The following CDH4 variants were observed in gnomAD, a reference collection of about 807,000 sequenced individuals.
The protein encoded by CDH4 is cadherin-4.
CDH4 carries 33 observed loss-of-function variants against 86.0 expected under a neutral mutation model. The observed-to-expected ratio is 0.38, with a 90% CI of 0.29 to 0.51. CDH4 has a LOEUF of 0.51. CDH4 is among the 20% of genes least tolerant of loss of function. The pLI is 0.86. For synonymous variants in CDH4, 555 were observed against 549.4 expected (o/e 1.01, Z -0.14); for missense variants, 1,114 against 1,307.4 (o/e 0.85, Z 2.28).
intron 2 of CDH4, among the ~76,000 whole-genome samples, chr20:61,548,475 G>A (rs577134719): frequency 2.0e-5 from 3 of 151,942 alleles, no homozygotes; most frequent in Admixed American, 6.6e-5. Flanking sequence ...TCAGTTCCCC[G>A]CCCCCCCATT....
intron 3 of CDH4, among the ~76,000 whole-genome samples, chr20:61,750,668 G>T (rs1044781565): frequency 5.9e-5 from 9 of 152,196 alleles, no homozygotes; most frequent in African/African-American, 2.2e-4. Context: ...AGTAAGGCAA[G>T]AAAAAGAAAT....
chr20:61,438,469 G>T (rs983514006), intron 2 of CDH4, among the ~76,000 whole-genome samples: 1 of 152,174 alleles, frequency 6.6e-6, no homozygotes, highest in Non-Finnish European at 1.5e-5. Flanking sequence ...TGCTATAAAA[G>T]AAATATTTTA....
At chr20:61,550,378 T>A (rs1294735420) in intron 2 of CDH4, among the ~76,000 whole-genome samples, 2 of 152,106 alleles carry the variant, frequency 1.3e-5, no homozygotes, top group African/African-American at 4.8e-5. Flanking sequence ...CTTCTCTGGC[T>A]TTCCTAGCTT....
intron 2 of CDH4, among the ~76,000 whole-genome samples, chr20:61,555,538 C>T (rs1324400951): frequency 6.6e-6 from 1 of 152,224 alleles, no homozygotes; most frequent in Non-Finnish European, 1.5e-5. Flanking sequence ...ATGCCCCACA[C>T]CTGGGGGAGA....
At chr20:61,274,631 G>A (rs1429686598) in intron 2 of CDH4, among the ~76,000 whole-genome samples, 8 of 76,098 alleles carry the variant, frequency 1.1e-4, no homozygotes, top group Non-Finnish European at 1.7e-4. Flanking sequence ...GGAGGAGTAC[G>A]GTGTGCAGTT....
At chr20:61,410,578 A>G (rs2085113033) in intron 2 of CDH4, among the ~76,000 whole-genome samples, 1 of 149,718 alleles carries the variant, frequency 6.7e-6, no homozygotes, top group Non-Finnish European at 1.5e-5. Context: ...CCATCCATTC[A>G]TCCATCTGTC....
chr20:61,338,219 T>C (rs1211295393), intron 2 of CDH4, among the ~76,000 whole-genome samples: 2 of 152,198 alleles, frequency 1.3e-5, no homozygotes, highest in African/African-American at 4.8e-5. Context: ...TCTACAGATT[T>C]TGCTTAAAAA....
intron 2 of CDH4, among the ~76,000 whole-genome samples, chr20:61,422,323 C>G (rs1256760156): frequency 6.7e-6 from 1 of 149,812 alleles, no homozygotes; most frequent in Non-Finnish European, 1.5e-5. Flanking sequence ...ACTCGGGGGG[C>G]TGAAGCAGGA....
At chr20:61,573,078 T>A (rs373014718) in intron 2 of CDH4, among the ~76,000 whole-genome samples, 3 of 139,938 alleles carry the variant, frequency 2.1e-5, no homozygotes, top group Admixed American at 7.0e-5. Context: ...GGATAGATGG[T>A]TGGATGGATG....
chr20:61,764,827 C>A (rs997324148), intron 3 of CDH4, among the ~76,000 whole-genome samples: 5 of 152,130 alleles, frequency 3.3e-5, no homozygotes, highest in African/African-American at 1.2e-4. Flanking sequence ...CTCACCAGCC[C>A]CTTCCATCAG....
chr20:61,279,201 G>A (rs1000393180), intron 2 of CDH4, among the ~76,000 whole-genome samples: 10 of 152,178 alleles, frequency 6.6e-5, no homozygotes, highest in Non-Finnish European at 1.5e-5. Context: ...TACGTGGTGG[G>A]CAGAGCCAGG....
intron 15 of CDH4, among the ~76,000 whole-genome samples, chr20:61,934,548 G>T (rs1362879295): frequency 6.6e-6 from 1 of 152,360 alleles, no homozygotes; most frequent in Non-Finnish European, 1.5e-5. Flanking sequence ...GCCTCAGGAG[G>T]AGAATCAGCG....
chr20:61,687,208 C>G (rs891901788), intron 2 of CDH4, among the ~76,000 whole-genome samples: 3 of 152,224 alleles, frequency 2.0e-5, no homozygotes, highest in Non-Finnish European at 1.5e-5. Context: ...CCTCCTCTCC[C>G]GCTCCACAGC....
intron 2 of CDH4, among the ~76,000 whole-genome samples, chr20:61,332,048 G>T (rs1460781665): frequency 6.6e-6 from 1 of 152,220 alleles, no homozygotes; most frequent in African/African-American, 2.4e-5. Context: ...CTCTGGAAAG[G>T]TATCTCTGAG....
intron 2 of CDH4, among the ~76,000 whole-genome samples, chr20:61,568,035 C>T (rs2086313377): frequency 6.6e-6 from 1 of 152,084 alleles, no homozygotes; most frequent in East Asian, 1.9e-4. Context: ...ATCAAAATAA[C>T]AGAATTAATG....
chr20:61,837,760 C>T (rs1238288526), intron 4 of CDH4, among the ~76,000 whole-genome samples: 1 of 83,004 alleles, frequency 1.2e-5, no homozygotes, highest in Non-Finnish European at 2.6e-5. Flanking sequence ...GAGAACAGAG[C>T]ACCCCCCCCG....
chr20:61,671,271 G>A (rs6089463), intron 2 of CDH4, among the ~76,000 whole-genome samples: 85,150 of 152,028 alleles, frequency 0.56, 24,011 homozygotes, highest in Admixed American at 0.58. Flanking sequence ...GCAGGAGGAT[G>A]GCTTAAGGCC....
chr20:61,494,519 C>A (rs1046348604), intron 2 of CDH4, among the ~76,000 whole-genome samples: 1 of 152,156 alleles, frequency 6.6e-6, no homozygotes, highest in African/African-American at 2.4e-5. Flanking sequence ...TATTTCCTTG[C>A]AGGTAGTAAT....
chr20:61,928,008 A>G (rs1776264), intron 11 of CDH4, among the ~76,000 whole-genome samples, 182 bp from the exon 12 acceptor site: 150,824 of 152,330 alleles, frequency 0.99, 74,681 homozygotes, highest in East Asian at 1. Context: ...CCATGGCTGG[A>G]CTGTGGGTCA....
Sources: gnomAD v4.1 joint callset for allele counts (sites outside exome capture counted in the v4.1 genomes callset) on GRCh38, gnomAD v4.1.1 for gene constraint, MANE v1.5 for transcripts, NCBI Gene and HGNC (gene_info 2026-07-23, HGNC 2026-07-21) for gene names.